AKT3: variants seen among roughly 807,000 people sequenced by gnomAD.
AKT3 encodes the protein RAC-gamma serine/threonine-protein kinase.
A neutral mutation model predicts 65.3 loss-of-function variants in AKT3; 15 were observed. The ratio of observed to expected loss-of-function variants is 0.23; its 90% CI spans 0.15 to 0.35. The LOEUF (loss-of-function observed/expected upper bound fraction) is 0.35, where lower values mean the gene tolerates loss of function less well. Ranked by LOEUF, AKT3 falls within the 10% of genes least tolerant of loss-of-function variation. The pLI is 1.00. For synonymous variants in AKT3, 206 were observed against 183.8 expected, an observed-to-expected ratio of 1.12 and a Z score of -0.98; for missense variants, 243 against 576.5, an observed-to-expected ratio of 0.42 and a Z score of 5.92.
intron 10 of AKT3, among the ~76,000 whole-genome samples, chr1:243,553,738 G>A (rs1342653260): frequency 6.6e-6 from 1 of 152,078 alleles, no homozygotes; most frequent in East Asian, 1.9e-4. Flanking sequence ...GCCTATGCTG[G>A]AGCAACCTGT....
At chr1:243,802,471 A>G (rs1156972446) in intron 2 of AKT3, among the ~76,000 whole-genome samples, 2 of 152,232 alleles carry the variant, frequency 1.3e-5, no homozygotes, top group African/African-American at 4.8e-5. Context: ...TTTATTGAAC[A>G]TAAATAAGAT....
At chr1:243,744,612 G>A (rs968799387) in intron 2 of AKT3, among the ~76,000 whole-genome samples, 3 of 150,696 alleles carry the variant, frequency 2.0e-5, no homozygotes, top group Admixed American at 6.6e-5. Flanking sequence ...AGTGGCGGGC[G>A]CCTGTAGTCC....
chr1:243,847,656 T>G (rs1287376456), intron 1 of AKT3, among the ~76,000 whole-genome samples: 1 of 152,186 alleles, frequency 6.6e-6, no homozygotes, highest in Non-Finnish European at 1.5e-5. Flanking sequence ...TGTTCCCTAG[T>G]AAGTTTAATC....
chr1:243,783,614 T>G (rs572849403), intron 2 of AKT3, among the ~76,000 whole-genome samples: 2 of 152,190 alleles, frequency 1.3e-5, no homozygotes, highest in Non-Finnish European at 2.9e-5. Context: ...TAAAAAATTT[T>G]TAATTCTTAA....
At chr1:243,658,022 C>T (rs578178371) in intron 4 of AKT3, among the ~76,000 whole-genome samples, 1 of 152,100 alleles carries the variant, frequency 6.6e-6, no homozygotes, top group East Asian at 1.9e-4. Flanking sequence ...CTACAAACTC[C>T]TAGGAAAAAA....
chr1:243,528,314 A>G (rs1004429763), intron 12 of AKT3, among the ~76,000 whole-genome samples: 22 of 151,732 alleles, frequency 1.4e-4, no homozygotes, highest in African/African-American at 5.1e-4. Flanking sequence ...TAACTCTTCA[A>G]TTTTCTCTAT....
intron 8 of AKT3, among the ~76,000 whole-genome samples, chr1:243,594,135 A>C (rs1676434127): frequency 6.6e-6 from 1 of 152,248 alleles, no homozygotes; most frequent in Admixed American, 6.5e-5. Context: ...ATAAAAACCA[A>C]CTATATTCTT....
At chr1:243,508,655 CTTTTTTTTTTTT>C (rs369887012) in intron 13 of AKT3, among the ~76,000 whole-genome samples, 21 of 108,278 alleles carry the variant, frequency 1.9e-4, no homozygotes, top group African/African-American at 8.9e-4. Flanking sequence ...AAAAGCCAGA[CTTTTTTTTTTTT>C]TTTTTTTTTT....
intron 8 of AKT3, among the ~76,000 whole-genome samples, chr1:243,598,390 CAT>C (rs1255787474): frequency 6.6e-5 from 10 of 152,170 alleles, no homozygotes; most frequent in African/African-American, 1.2e-4. Context: ...GCAAAGACTA[CAT>C]AGTTTTTTTT....
At chr1:243,823,678 A>C (rs1693989321) in intron 2 of AKT3, among the ~76,000 whole-genome samples, 1 of 152,230 alleles carries the variant, frequency 6.6e-6, no homozygotes, top group African/African-American at 2.4e-5. Context: ...TAATTGCTAC[A>C]AAGAGAACAA....
chr1:243,651,461 T>C (rs934995346), intron 4 of AKT3, among the ~76,000 whole-genome samples: 1 of 152,188 alleles, frequency 6.6e-6, no homozygotes, highest in Non-Finnish European at 1.5e-5. Flanking sequence ...GGGGCATCCT[T>C]GTATTGTGCC....
downstream of AKT3, among the ~76,000 whole-genome samples, chr1:243,496,570 T>C (rs1667961490): frequency 6.6e-6 from 1 of 152,152 alleles, no homozygotes; most frequent in South Asian, 2.1e-4. Flanking sequence ...GTTGTTACCT[T>C]CAGAAGGGTT....
intron 8 of AKT3, among the ~76,000 whole-genome samples, chr1:243,606,562 G>T (rs1677438755): frequency 6.6e-6 from 1 of 152,192 alleles, no homozygotes; most frequent in South Asian, 2.1e-4. Context: ...GCAAAGCATT[G>T]AAGAGAACGC....
chr1:243,629,178 A>C (rs1679406249), intron 6 of AKT3, among the ~76,000 whole-genome samples: 1 of 152,212 alleles, frequency 6.6e-6, no homozygotes, highest in South Asian at 2.1e-4. Context: ...TGGGAGGCTG[A>C]GGCAGGAGAA....
chr1:243,822,754 AC>A lies in AKT3; in HGVS notation c.46+20370del, dbSNP rs1331241779. 3.9e-5 allele frequency among the ~76,000 whole-genome samples: 6 copies of A among 152,300 alleles called. No individual in the cohort carries two copies. In the East Asian group the frequency reaches 1.2e-3, roughly 29 times the overall value. Reference sequence around the variant, plus strand: ...AGGAAGAAGCTGAATCCAGGAATAGACCAATACAGGTTCTGAAATTGAGGCA... The same window carrying A: ...AGGAAGAAGCTGAATCCAGGAATAGACAATACAGGTTCTGAAATTGAGGCA... On this transcript the variant is annotated intron_variant, in intron 2 of 13. Transcript: ENST00000673466.
chr1:243,849,630 C>G (rs2148490661), intron 1 of AKT3, among the ~76,000 whole-genome samples: 1 of 151,592 alleles, frequency 6.6e-6, no homozygotes, highest in Non-Finnish European at 1.5e-5. Flanking sequence ...GGCGCCCCCT[C>G]CCCACGCCGC....
chr1:243,829,136 A>G (rs1445623670), intron 2 of AKT3, among the ~76,000 whole-genome samples: 1 of 152,092 alleles, frequency 6.6e-6, no homozygotes, highest in African/African-American at 2.4e-5. Flanking sequence ...ATAATTTGGC[A>G]TTTTCTTCTA....
chr1:243,571,449 T>A (rs988813826), intron 9 of AKT3, among the ~76,000 whole-genome samples: 9 of 152,206 alleles, frequency 5.9e-5, no homozygotes, highest in Admixed American at 5.9e-4. Flanking sequence ...TTTAGGCTAA[T>A]AATTCAATCT....
intron 2 of AKT3, among the ~76,000 whole-genome samples, chr1:243,752,387 A>G (rs1688863861): frequency 6.6e-6 from 1 of 152,192 alleles, no homozygotes; most frequent in African/African-American, 2.4e-5. Flanking sequence ...ACACTAATTC[A>G]GCCTTTTTGT....
Sources: allele counts gnomAD v4.1 joint callset (sites outside exome capture counted in the v4.1 genomes callset), GRCh38; gene constraint gnomAD v4.1.1; transcripts MANE v1.5; gene names NCBI Gene and HGNC (gene_info 2026-07-23, HGNC 2026-07-21).